The following EIF2B3 variants were observed in gnomAD, a reference collection of about 807,000 sequenced individuals.
EIF2B3 encodes eukaryotic translation initiation factor 2B subunit gamma.
A neutral mutation model predicts 54.1 loss-of-function variants in EIF2B3; 20 were observed. The ratio of observed to expected loss-of-function variants is 0.37; its 90% CI spans 0.26 to 0.54. The LOEUF (loss-of-function observed/expected upper bound fraction) is 0.54, where lower values mean the gene tolerates loss of function less well. Among genes scored for constraint, EIF2B3 ranks in the 20% least tolerant of loss-of-function variants. The probability of loss-of-function intolerance (pLI) is 0.86; values close to 1 mark genes in which losing one functional copy is unlikely to be tolerated. For synonymous variants in EIF2B3, 153 were observed against 188.1 expected (o/e 0.81, Z 1.52); for missense variants, 448 against 547.8 (o/e 0.82, Z 1.82).
chr1:44,881,624 GCTCCTTTTTCTTTAGATCCTC>G lies in EIF2B3; in HGVS notation c.751_771del (p.Glu251_Glu257del). ...CCCAAGAACTGACCTAAGGACTTCA[GCTCCTTTTTCTTTAGATCCTC>G]CTCTTTTTCTTCTTGTCCCTGTTGT... On this transcript the variant is annotated inframe_deletion, in exon 7 of 12. Coordinates refer to ENST00000360403, the MANE Select transcript of EIF2B3 (RefSeq NM_020365.5). This position sits in a 1 kb window ranked among gnomAD's most constrained non-coding sequence, Gnocchi z 4.0. 1 of 1,614,152 alleles carries G rather than the reference GCTCCTTTTTCTTTAGATCCTC, an allele frequency of 6.2e-7. No individual in the cohort carries two copies. The highest frequency in any genetic ancestry group is 1.7e-5 in the Admixed American group (1 of 60,020).
chr1:44,932,068 T>C (rs937960202), intron 4 of EIF2B3, among the ~76,000 whole-genome samples: 2 of 152,074 alleles, frequency 1.3e-5, no homozygotes, highest in South Asian at 4.1e-4. Context: ...GCCAAGATTG[T>C]GCCACTGCCT....
At chr1:44,948,011 T>C (rs1031182887) in intron 3 of EIF2B3, among the ~76,000 whole-genome samples, 1 of 152,176 alleles carries the variant, frequency 6.6e-6, no homozygotes, top group Non-Finnish European at 1.5e-5. Context: ...CTGGCATAGT[T>C]TGTGTGCTTG....
intron 6 of EIF2B3, among the ~76,000 whole-genome samples, chr1:44,896,399 A>C (rs574241978): frequency 6.6e-6 from 1 of 152,356 alleles, no homozygotes; most frequent in South Asian, 2.1e-4. Context: ...AGGACACTGC[A>C]AGAAAGATCA....
At position 44,881,842 on chromosome 1, in the gene EIF2B3, T is replaced by C; in HGVS notation, c.657-103A>G. On this transcript the variant is annotated intron_variant, in intron 6 of 11. Transcript: ENST00000360403. This position sits in a 1 kb window ranked among gnomAD's most constrained non-coding sequence, Gnocchi z 4.0. Reference sequence around the variant, plus strand: ...GGAAAAGCCAAATCCTTTCCTGTCATGGCACCTTGGGACTGTCAGAGATCA... The same window carrying C: ...GGAAAAGCCAAATCCTTTCCTGTCACGGCACCTTGGGACTGTCAGAGATCA... 6.8e-7 allele frequency: 1 copy of C among 1,481,074 alleles called. No individual in the cohort carries two copies. Among genetic ancestry groups the C allele is most frequent in the South Asian group, 1.2e-5 (1 of 86,620 alleles). 91.7% of individuals were successfully genotyped at this position (1,481,074 alleles called of 1,614,324 possible). A position where few individuals can be genotyped will look rare whatever the true frequency, so the allele number is the denominator to read the frequency against.
chr1:44,880,063 A>T, intron 7 of EIF2B3, 55 bp from the exon 8 acceptor site: 2 of 1,577,786 alleles, frequency 1.3e-6, no homozygotes, highest in Non-Finnish European at 1.7e-6. Context: ...AACAGAACAG[A>T]TACAGACTCA....
At chr1:44,965,022 A>G (rs1644322177) in intron 3 of EIF2B3, among the ~76,000 whole-genome samples, 1 of 152,216 alleles carries the variant, frequency 6.6e-6, no homozygotes, top group Admixed American at 6.5e-5. Flanking sequence ...CAGGATCCAT[A>G]TCCAAGGAGT....
rs911617396 is a variant in EIF2B3, at chr1:44,851,134, G to C, written c.1307-131C>G. ...GGCTGGAGTGCAGTGGCACAATCTC[G>C]GCTTACTGCAACCTCCATCTCCCAG... On this transcript the variant is annotated intron_variant, in intron 11 of 11. Transcript: ENST00000360403. 3 of 821,744 alleles carry C rather than the reference G, an allele frequency of 3.7e-6. No individual in the cohort carries two copies. The Admixed American group carries it at 6.0e-5, about 16-fold the overall frequency. The allele number at this position is 821,744 out of a possible 1,614,324, so 50.9% of individuals were successfully genotyped here. A position where few individuals can be genotyped will look rare whatever the true frequency, so the allele number is the denominator to read the frequency against.
At chr1:44,901,307 G>C (rs1643292979) in intron 5 of EIF2B3, among the ~76,000 whole-genome samples, 2 of 152,126 alleles carry the variant, frequency 1.3e-5, no homozygotes, top group Non-Finnish European at 2.9e-5. Flanking sequence ...GTAGAGATGG[G>C]GTTTTGCCAT....
intron 4 of EIF2B3, among the ~76,000 whole-genome samples, chr1:44,929,244 G>A (rs1643877240): frequency 6.6e-6 from 1 of 152,188 alleles, no homozygotes; most frequent in Non-Finnish European, 1.5e-5. Context: ...AATGAGATCT[G>A]TAAAGATGAA....
intron 5 of EIF2B3, among the ~76,000 whole-genome samples, chr1:44,898,092 T>C (rs1656039317): frequency 6.6e-6 from 1 of 152,150 alleles, no homozygotes; most frequent in African/African-American, 2.4e-5. Flanking sequence ...GCTTCTACCC[T>C]AATTATCCTA....
intron 2 of EIF2B3, 54 bp from the exon 3 acceptor site, chr1:44,978,514 G>T: frequency 6.4e-7 from 1 of 1,567,804 alleles, no homozygotes; most frequent in Admixed American, 1.7e-5. Context: ...CATATAGACA[G>T]TGGTTCCATT....
At chr1:44,962,218 A>ATCATCG (rs1320570196) in intron 3 of EIF2B3, among the ~76,000 whole-genome samples, 1 of 150,942 alleles carries the variant, frequency 6.6e-6, no homozygotes, top group East Asian at 1.9e-4. Flanking sequence ...CATCATCATC[A>ATCATCG]TCATCATCAT....
intron 3 of EIF2B3, among the ~76,000 whole-genome samples, chr1:44,971,246 G>A (rs1644396357): frequency 6.6e-6 from 1 of 152,076 alleles, no homozygotes; most frequent in South Asian, 2.1e-4. Context: ...AGTCGGGCTT[G>A]GTGGCAGGCA....
At chr1:44,979,496 A>T (rs796841314) in intron 2 of EIF2B3, among the ~76,000 whole-genome samples, 11 of 141,394 alleles carry the variant, frequency 7.8e-5, no homozygotes, top group Non-Finnish European at 1.2e-4. Flanking sequence ...AAAAAAAAAA[A>T]GGAGGAAAGA....
intron 5 of EIF2B3, among the ~76,000 whole-genome samples, chr1:44,905,729 T>C (rs1643399833): frequency 6.6e-6 from 1 of 152,166 alleles, no homozygotes; most frequent in South Asian, 2.1e-4. Context: ...ATCAATGGAT[T>C]GTTGATATTA....
chr1:44,895,710 G>T (rs901372258), intron 6 of EIF2B3, among the ~76,000 whole-genome samples: 1 of 152,148 alleles, frequency 6.6e-6, no homozygotes, highest in South Asian at 2.1e-4. Flanking sequence ...GGTAATGGGG[G>T]GAGAGAAACG....
chr1:44,953,561 G>T (rs1020815375), intron 3 of EIF2B3, among the ~76,000 whole-genome samples: 1 of 152,148 alleles, frequency 6.6e-6, no homozygotes, highest in Admixed American at 6.5e-5. Flanking sequence ...CATATCACTT[G>T]AGCCCAGGAG....
intron 10 of EIF2B3, among the ~76,000 whole-genome samples, chr1:44,869,808 T>C (rs1423676549): frequency 1.3e-5 from 2 of 151,862 alleles, no homozygotes; most frequent in Non-Finnish European, 2.9e-5. Context: ...GTGACAGACC[T>C]AGGATTCAGT....
intron 5 of EIF2B3, among the ~76,000 whole-genome samples, chr1:44,908,439 G>T (rs1468709805): frequency 6.6e-6 from 1 of 152,190 alleles, no homozygotes; most frequent in African/African-American, 2.4e-5. Context: ...AGAAAAATAA[G>T]TTCTTAGCCA....
Sources: allele counts gnomAD v4.1 joint callset (sites outside exome capture counted in the v4.1 genomes callset), GRCh38; gene constraint gnomAD v4.1.1; non-coding constraint Gnocchi (gnomAD v3.1); transcripts MANE v1.5; gene names NCBI Gene and HGNC (gene_info 2026-07-23, HGNC 2026-07-21).